Variants in EIF3CL observed in about 807,000 individuals in gnomAD.
The protein encoded by EIF3CL is eukaryotic translation initiation factor 3 subunit C like, also known as eukaryotic translation initiation factor 3 subunit C-like protein.
For synonymous variants in EIF3CL, 2 were observed against 19.6 expected, an observed-to-expected ratio of 0.10 and a Z score of 2.37; for missense variants, 5 against 56.1, an observed-to-expected ratio of 0.09 and a Z score of 2.91.
At chr16:28,423,080 G>A in the EIF3CL span, among the ~76,000 whole-genome samples, 1 of 116,386 alleles carries the variant, frequency 8.6e-6, no homozygotes, top group South Asian at 2.5e-4. Context: ...TCTTAGGGAA[G>A]TAACCTTAGG....
intron 15 of EIF3CL, among the ~76,000 whole-genome samples, chr16:28,387,542 G>A (rs921026886): frequency 6.7e-6 from 1 of 150,254 alleles, no homozygotes; most frequent in Non-Finnish European, 1.5e-5. Context: ...GTTCACAGCA[G>A]CTTCATACAT....
chr16:28,407,974 C>G (rs1181878754), upstream of EIF3CL, among the ~76,000 whole-genome samples: 1 of 20,238 alleles, frequency 4.9e-5, no homozygotes, highest in Non-Finnish European at 1.1e-4. Flanking sequence ...GAGGCCGAGG[C>G]GGGTGGATCA....
the EIF3CL span, among the ~76,000 whole-genome samples, chr16:28,415,567 T>C: frequency 7.6e-6 from 1 of 130,986 alleles, no homozygotes; most frequent in Non-Finnish European, 1.6e-5. Flanking sequence ...CTGGCCAACA[T>C]GGTGAAACCC....
At position 28,386,159 on chromosome 16, in the gene EIF3CL, G is replaced by A. The variant is rs1444719557; in HGVS notation, c.1821+1899C>T. On this transcript the variant is annotated intron_variant, in intron 15 of 20. Coordinates refer to ENST00000380876, the MANE Select transcript of EIF3CL (RefSeq NM_001317857.2). ...TGGGAAGCAGAGGTTGTAGTGAGTC[G>A]TCAAGATCGCGCCACTGCACTCCAG... is the stretch of plus-strand genomic sequence containing the variant. Among the ~76,000 whole-genome samples, 34 of 31,360 alleles carry A rather than the reference G, an allele frequency of 1.1e-3. 1 individual carries two copies. The South Asian group carries it at 0.016, about 15-fold the overall frequency. The allele number at this position is 31,360 out of a possible 152,430, so 20.6% of individuals were successfully genotyped here. A position where few individuals can be genotyped will look rare whatever the true frequency, so the allele number is the denominator to read the frequency against.
chr16:28,415,842 C>G, the EIF3CL span, among the ~76,000 whole-genome samples: 3 of 84,036 alleles, frequency 3.6e-5, no homozygotes, highest in Admixed American at 1.4e-4. Flanking sequence ...CTCCCTCTCC[C>G]TCTCCCTCTC....
the EIF3CL span, among the ~76,000 whole-genome samples, chr16:28,416,435 A>G: frequency 1.1e-4 from 2 of 17,528 alleles, no homozygotes; most frequent in Non-Finnish European, 2.1e-4. Context: ...ACATCTAGGA[A>G]GTGAGGAGCG....
chr16:28,418,776 C>T, the EIF3CL span, among the ~76,000 whole-genome samples: 5 of 149,414 alleles, frequency 3.3e-5, no homozygotes, highest in Admixed American at 2.0e-4. Flanking sequence ...ATTACAGGCA[C>T]CTGCCACCAC....
intron 16 of EIF3CL, among the ~76,000 whole-genome samples, chr16:28,382,197 G>A (rs2045580406): frequency 1.2e-5 from 1 of 82,014 alleles, no homozygotes; most frequent in African/African-American, 3.4e-5. Context: ...GCAACAGTGA[G>A]GCTCCGTCTC....
chr16:28,381,431 A>G (rs2141649243), intron 16 of EIF3CL, among the ~76,000 whole-genome samples: 1 of 145,152 alleles, frequency 6.9e-6, no homozygotes, highest in Admixed American at 6.7e-5. Context: ...AAACCAAACC[A>G]CCTCTTCCAG....
the EIF3CL span, among the ~76,000 whole-genome samples, chr16:28,416,754 T>TGG: frequency 8.8e-5 from 6 of 68,478 alleles, no homozygotes; most frequent in South Asian, 4.2e-4. Context: ...GGGAGGGAGG[T>TGG]GGGGGGGGTC....
the EIF3CL span, among the ~76,000 whole-genome samples, chr16:28,417,377 C>T: frequency 1.9e-4 from 26 of 134,026 alleles, no homozygotes; most frequent in African/African-American, 5.5e-4. Flanking sequence ...AATAGAAAGG[C>T]GGGAAAGGTG....
the EIF3CL span, among the ~76,000 whole-genome samples, chr16:28,418,814 G>C: frequency 6.9e-6 from 1 of 144,242 alleles, no homozygotes; most frequent in East Asian, 2.2e-4. Context: ...ACTTTTAGTA[G>C]AGATAGGGTT....
the EIF3CL span, among the ~76,000 whole-genome samples, chr16:28,417,245 G>A: frequency 3.3e-5 from 5 of 149,358 alleles, no homozygotes; most frequent in African/African-American, 1.3e-4. Context: ...AGTGAGGGGC[G>A]CCTCTGCCCG....
the EIF3CL span, among the ~76,000 whole-genome samples, chr16:28,417,959 C>G: frequency 7.3e-6 from 1 of 137,852 alleles, no homozygotes. Flanking sequence ...AGCAGTATCT[C>G]TTGAACCAAG....
At chr16:28,403,189 A>G (rs2045667794) in intron 2 of EIF3CL, among the ~76,000 whole-genome samples, 1 of 118,538 alleles carries the variant, frequency 8.4e-6, no homozygotes, top group South Asian at 3.0e-4. Context: ...TTCTGTGAGC[A>G]GTGAGAAGTC....
chr16:28,381,402 C>CA (rs1458404960), intron 16 of EIF3CL, among the ~76,000 whole-genome samples: 4 of 144,880 alleles, frequency 2.8e-5, no homozygotes, highest in Non-Finnish European at 4.4e-5. Context: ...GACTCTGTCT[C>CA]AAAAAACAAA....
At chr16:28,386,206 C>T (rs1236071803) in intron 15 of EIF3CL, among the ~76,000 whole-genome samples, 14 of 66,064 alleles carry the variant, frequency 2.1e-4, no homozygotes, top group South Asian at 6.4e-4. Context: ...AGCGAGACTC[C>T]GTCTCCAAAA....
the EIF3CL span, among the ~76,000 whole-genome samples, chr16:28,416,938 G>A: frequency 1.1e-5 from 1 of 94,744 alleles, no homozygotes; most frequent in African/African-American, 3.9e-5. Context: ...GGTGAGGGGC[G>A]CCTCTGCCCG....
chr16:28,423,890 C>T, the EIF3CL span, among the ~76,000 whole-genome samples: 4 of 116,256 alleles, frequency 3.4e-5, no homozygotes, highest in East Asian at 2.8e-4. Context: ...GGCACTATCT[C>T]GGCTCACTGC....
Sources: allele counts gnomAD v4.1 joint callset (sites outside exome capture counted in the v4.1 genomes callset), GRCh38; gene constraint gnomAD v4.1.1; transcripts MANE v1.5; gene names NCBI Gene and HGNC (gene_info 2026-07-23, HGNC 2026-07-21).